PRKCQ: variants seen among roughly 807,000 people sequenced by gnomAD.
The protein encoded by PRKCQ is protein kinase C theta type.
PRKCQ carries 41 observed loss-of-function variants against 91.2 expected under a neutral mutation model. The ratio of observed to expected loss-of-function variants is 0.45; its 90% CI spans 0.35 to 0.58. The LOEUF is 0.58. Ranked by LOEUF, PRKCQ falls within the 20% of genes least tolerant of loss-of-function variation. The probability of loss-of-function intolerance (pLI) is 0.00; values close to 1 mark genes in which losing one functional copy is unlikely to be tolerated. For synonymous variants in PRKCQ, 307 were observed against 316.9 expected (o/e 0.97, Z 0.33); for missense variants, 673 against 896.5 (o/e 0.75, Z 3.18).
chr10:6,549,207 A>T (rs552816554), intron 1 of PRKCQ, among the ~76,000 whole-genome samples: 117 of 152,318 alleles, frequency 7.7e-4, no homozygotes, highest in Non-Finnish European at 6.2e-4. Flanking sequence ...GGCAAGAGGA[A>T]TCCAAGTGCC....
rs1166970276 is a variant in PRKCQ at position 6,445,127 on chromosome 10, A to ATC, written c.1648-3047_1648-3046insGA. Among the ~76,000 whole-genome samples the ATC allele has an allele frequency of 1.5e-3, 114 of 76,292 alleles. No homozygotes were observed. In the Middle Eastern group the frequency reaches 0.028, roughly 19 times the overall value. 50.1% of individuals were successfully genotyped at this position (76,292 alleles called of 152,430 possible). On this transcript the variant is annotated intron_variant, in intron 15 of 17. Coordinates refer to ENST00000263125, the MANE Select transcript of PRKCQ (RefSeq NM_006257.5). ...TGACAGAGCAAGACTCTGTCAAAAA[A>ATC]AAAAAAAAAAAAAAAAAAAAAATTC...
At chr10:6,398,238 T>A in the PRKCQ span, among the ~76,000 whole-genome samples, 2 of 152,230 alleles carry the variant, frequency 1.3e-5, no homozygotes, top group Non-Finnish European at 2.9e-5. Flanking sequence ...TTCCATTGAT[T>A]TTCATGTCTA....
intron 1 of PRKCQ, among the ~76,000 whole-genome samples, chr10:6,521,137 G>A (rs1032338919): frequency 1.1e-4 from 16 of 152,146 alleles, no homozygotes; most frequent in Admixed American, 3.9e-4. Flanking sequence ...ATGGGTTCAC[G>A]TCTGTCTTCC....
At chr10:6,446,741 C>G (rs1834331113) in intron 15 of PRKCQ, among the ~76,000 whole-genome samples, 1 of 152,202 alleles carries the variant, frequency 6.6e-6, no homozygotes, top group Admixed American at 6.5e-5. Flanking sequence ...GCCCCGGGAC[C>G]TTGCCTCATT....
chr10:6,563,824 T>C (rs531646701), intron 1 of PRKCQ, among the ~76,000 whole-genome samples: 4 of 152,332 alleles, frequency 2.6e-5, no homozygotes, highest in Admixed American at 1.3e-4. Flanking sequence ...ATGCAGAGCC[T>C]GCCCTTGGGA....
rs568866223 is a variant in PRKCQ, at chr10:6,501,825, A to C, written c.380-3267T>G. Among the ~76,000 whole-genome samples the C allele has an allele frequency of 5.6e-3, 858 of 152,022 alleles. 5 individuals are homozygous for C. The highest frequency in any genetic ancestry group is 0.01 in the Non-Finnish European group (695 of 67,936). ...GGCGACATGAGCGAAACTCTGTCTC[A>C]AGAAAAAAAAAATACATAAAAAAAT... On this transcript the variant is annotated intron_variant, in intron 4 of 17. Coordinates refer to ENST00000263125, the MANE Select transcript of PRKCQ (RefSeq NM_006257.5).
At chr10:6,448,014 G>A (rs1834419038) in intron 15 of PRKCQ, among the ~76,000 whole-genome samples, 1 of 152,214 alleles carries the variant, frequency 6.6e-6, no homozygotes, top group Non-Finnish European at 1.5e-5. Flanking sequence ...GATGGTGGGA[G>A]GGCAGCCTCC....
chr10:6,490,228 C>CA (rs915920120), intron 8 of PRKCQ, among the ~76,000 whole-genome samples: 5 of 152,050 alleles, frequency 3.3e-5, no homozygotes, highest in African/African-American at 1.2e-4. Flanking sequence ...CTCCTGCCTC[C>CA]ACTGAGAGGT....
rs762827700 is a variant in PRKCQ, at chr10:6,478,988, A to G, written c.1353+4T>C. 1.2e-6 allele frequency: 2 copies of G among 1,614,016 alleles called. No homozygotes were observed. The highest frequency in any genetic ancestry group is 1.1e-5 in the South Asian group (1 of 91,054). On this transcript the variant is annotated splice_donor_region_variant and intron_variant, in intron 12 of 17. Coordinates refer to ENST00000263125, the MANE Select transcript of PRKCQ (RefSeq NM_006257.5). ...AGGTAGGGTTGTCGGAGCAGAAGCC[A>G]TACCTTGGTCTGGAATGTACAAAAC...
chr10:6,511,166 C>T lies in PRKCQ; in HGVS notation c.147G>A (p.Lys49=). The T allele has an allele frequency of 1.2e-6, 2 of 1,614,032 alleles. No homozygotes were observed. Among genetic ancestry groups the T allele is most frequent in the East Asian group, 2.2e-5 (1 of 44,880 alleles). Residue 49 remains lysine (K), a synonymous_variant, in exon 3 of 18, where the codon AAG becomes AAA. Coordinates refer to ENST00000263125, the MANE Select transcript of PRKCQ (RefSeq NM_006257.5). The part of the protein sequence containing the change: ...SENGQMYIQK[K]PTMYPPWDST... ...TGTCCCAGGGTGGGTACATGGTAGG[C>T]TTTTTCTGGATATACATCTGCCCGT...
intron 8 of PRKCQ, among the ~76,000 whole-genome samples, chr10:6,488,234 CCTTTT>C (rs1837041661): frequency 6.6e-6 from 1 of 152,142 alleles, no homozygotes. Flanking sequence ...AATACAACTT[CCTTTT>C]CATCTTCATC....
chr10:6,480,299 C>G (rs1260569378), intron 11 of PRKCQ, among the ~76,000 whole-genome samples: 2 of 152,074 alleles, frequency 1.3e-5, no homozygotes, highest in African/African-American at 4.8e-5. Flanking sequence ...AAGTTAACAA[C>G]ATCAACAACA....
rs922656888 is a variant in PRKCQ, at chr10:6,452,799, C to T, written c.1647+3875G>A. Among the ~76,000 whole-genome samples the T allele has an allele frequency of 1.7e-3, 250 of 150,010 alleles. 2 individuals carry two copies. The highest frequency in any genetic ancestry group is 4.7e-3 in the African/African-American group (190 of 40,666). Reference sequence around the variant, plus strand: ...CTACAACTATCTGATCTTTGACAAACCTGAGAAAAACAAGCAATGGGGAAA... The same window carrying T: ...CTACAACTATCTGATCTTTGACAAATCTGAGAAAAACAAGCAATGGGGAAA... On this transcript the variant is annotated intron_variant, in intron 15 of 17. Transcript: ENST00000263125.
chr10:6,574,161 TC>T (rs1255808579), intron 1 of PRKCQ, among the ~76,000 whole-genome samples: 1 of 152,178 alleles, frequency 6.6e-6, no homozygotes, highest in African/African-American at 2.4e-5. Context: ...TGTCTTGTTG[TC>T]TTTCCCTCCT....
chr10:6,399,765 C>T, the PRKCQ span, among the ~76,000 whole-genome samples: 1 of 150,280 alleles, frequency 6.7e-6, no homozygotes, highest in Admixed American at 6.6e-5. Context: ...GCTTGGCTGG[C>T]GGATTCCACA....
chr10:6,521,739 C>T (rs1171328541), intron 1 of PRKCQ, among the ~76,000 whole-genome samples: 1 of 152,142 alleles, frequency 6.6e-6, no homozygotes, highest in Non-Finnish European at 1.5e-5. Context: ...GGAGCTCCCA[C>T]AAAACCCTCC....
At chr10:6,407,470 A>AGTGTGTGT in the PRKCQ span, among the ~76,000 whole-genome samples, 24 of 148,962 alleles carry the variant, frequency 1.6e-4, no homozygotes, top group East Asian at 3.1e-3. The surrounding 1 kb of genome is among the most constrained non-coding windows in gnomAD (Gnocchi z 4.0). Context: ...GTACATGTTC[A>AGTGTGTGT]GTGTGTGTGT....
chr10:6,570,851 G>A (rs1564399705), intron 1 of PRKCQ, among the ~76,000 whole-genome samples: 1 of 152,048 alleles, frequency 6.6e-6, no homozygotes, highest in Non-Finnish European at 1.5e-5. Flanking sequence ...CACTGTGCCT[G>A]GCTGGAACTG....
At chr10:6,494,507 T>C (rs1207888110) in intron 7 of PRKCQ, among the ~76,000 whole-genome samples, 1 of 152,132 alleles carries the variant, frequency 6.6e-6, no homozygotes, top group African/African-American at 2.4e-5. Context: ...GCCTCCAAGA[T>C]GCCCCTGACA....
Sources: allele counts gnomAD v4.1 joint callset (sites outside exome capture counted in the v4.1 genomes callset), GRCh38; gene constraint gnomAD v4.1.1; non-coding constraint Gnocchi (gnomAD v3.1); transcripts MANE v1.5; gene names NCBI Gene and HGNC (gene_info 2026-07-23, HGNC 2026-07-21).